The following DIAPH2 variants were observed in gnomAD, a reference collection of about 807,000 sequenced individuals.
DIAPH2 encodes protein diaphanous homolog 2.
Under a neutral mutation model 92.7 loss-of-function variants are expected in DIAPH2, and 35 were observed. The observed-to-expected ratio is 0.38, with a 90% CI of 0.29 to 0.50. DIAPH2 has a LOEUF of 0.50. Among genes scored for constraint, DIAPH2 ranks in the 20% least tolerant of loss-of-function variants. The pLI is 0.94. For missense variants in DIAPH2, 701 were observed against 819.5 expected (o/e 0.86, Z 1.77); for synonymous variants, 301 against 280.4 (o/e 1.07, Z -0.73).
intron 1 of DIAPH2, among the ~76,000 whole-genome samples, chrX:96,693,757 G>A (rs944997009): frequency 2.7e-5 from 3 of 112,635 alleles, no homozygotes; most frequent in South Asian, 3.6e-4. Context: ...CAAGGATTCC[G>A]GGCATGGTGG....
At chrX:96,713,196 C>G (rs1755525082) in intron 1 of DIAPH2, among the ~76,000 whole-genome samples, 1 of 111,768 alleles carries the variant, frequency 8.9e-6, no homozygotes, top group South Asian at 3.7e-4. Context: ...TACCTTTGTT[C>G]CTAATTTTTA....
Position 96,948,915 on chromosome X carries a change from A to T in DIAPH2, c.1510-20A>T, listed in dbSNP as rs776382561. ...CTGAAAACTATATTATTAACTGTAC[A>T]TTGATGGTGATCATTGCAGTTCGAT... is the stretch of plus-strand genomic sequence containing the variant. On this transcript the variant is annotated intron_variant, in intron 14 of 26. Coordinates refer to ENST00000324765, the MANE Select transcript of DIAPH2 (RefSeq NM_006729.5). 79 of 1,081,065 alleles carry T rather than the reference A, an allele frequency of 7.3e-5. No homozygotes were observed. The highest frequency in any genetic ancestry group is 9.9e-5 in the Non-Finnish European group (78 of 791,293). 89.1% of individuals were successfully genotyped at this position (1,081,065 alleles called of 1,213,427 possible).
intron 4 of DIAPH2, among the ~76,000 whole-genome samples, chrX:96,766,870 C>T (rs1431975265): frequency 8.9e-6 from 1 of 112,168 alleles, no homozygotes; most frequent in Non-Finnish European, 1.9e-5. Context: ...TTTCACTATC[C>T]TATATAAATT....
chrX:97,057,583 T>C (rs184646383), intron 17 of DIAPH2, among the ~76,000 whole-genome samples: 1 of 111,849 alleles, frequency 8.9e-6, no homozygotes, highest in Admixed American at 9.5e-5. Context: ...CATGACACCG[T>C]AGGTAATTGG....
chrX:96,962,418 CACATATATATACAT>C, intron 16 of DIAPH2, among the ~76,000 whole-genome samples: 2 of 50,859 alleles, frequency 3.9e-5, no homozygotes, highest in Non-Finnish European at 7.3e-5. Context: ...TATATATATA[CACATATATATACAT>C]ATATATATAC....
intron 23 of DIAPH2, among the ~76,000 whole-genome samples, chrX:97,343,178 T>A (rs1255075519): frequency 1.8e-5 from 2 of 111,658 alleles, no homozygotes; most frequent in African/African-American, 6.5e-5. Context: ...TTTTAAAAAA[T>A]TCAAGTAGAG....
chrX:96,900,986 C>G (rs1182055431), intron 5 of DIAPH2, among the ~76,000 whole-genome samples: 2 of 111,721 alleles, frequency 1.8e-5, no homozygotes, highest in Non-Finnish European at 3.8e-5. Context: ...TAGAAGGATT[C>G]AGAGAGGATT....
rs561569013 is a variant in DIAPH2 at position 96,929,673 on chromosome X, A to T, written c.979-1060A>T. Among the ~76,000 whole-genome samples the T allele has an allele frequency of 6.3e-5, 7 of 111,269 alleles. No homozygotes were observed. The South Asian group carries it at 2.6e-3, about 41-fold the overall frequency. On this transcript the variant is annotated intron_variant, in intron 9 of 26. Coordinates refer to ENST00000324765, the MANE Select transcript of DIAPH2 (RefSeq NM_006729.5). ...CATTTGAAATATTTGTCTTTCGGTA[A>T]TATATTTTTCCCATGCTAACTATTA...
intron 26 of DIAPH2, among the ~76,000 whole-genome samples, chrX:97,482,348 TA>T (rs1199999956): frequency 8.9e-6 from 1 of 112,756 alleles, no homozygotes; most frequent in Non-Finnish European, 1.9e-5. Context: ...GCAAGAATTT[TA>T]AACAGCCCGA....
At chrX:97,486,623 A>G (rs2070690426) in intron 26 of DIAPH2, among the ~76,000 whole-genome samples, 1 of 111,706 alleles carries the variant, frequency 9.0e-6, no homozygotes, top group African/African-American at 3.3e-5. Context: ...ATATTTACAC[A>G]TACTATTTAG....
chrX:96,790,773 G>A (rs1048574229), intron 4 of DIAPH2, among the ~76,000 whole-genome samples: 2 of 111,747 alleles, frequency 1.8e-5, no homozygotes, highest in African/African-American at 6.5e-5. Context: ...GCTAACAGGA[G>A]AAGGAGGAAC....
At chrX:97,585,858 T>C (rs1205507937) in intron 26 of DIAPH2, among the ~76,000 whole-genome samples, 2 of 112,244 alleles carry the variant, frequency 1.8e-5, no homozygotes, top group Admixed American at 9.4e-5. Context: ...GTCTTTATTT[T>C]ACTGCATCTT....
chrX:97,349,020 G>A (rs755062284), intron 24 of DIAPH2, among the ~76,000 whole-genome samples: 1 of 105,360 alleles, frequency 9.5e-6, no homozygotes, highest in Non-Finnish European at 1.9e-5. Flanking sequence ...GTATATATAT[G>A]TGTATATATA....
intron 18 of DIAPH2, among the ~76,000 whole-genome samples, chrX:97,073,965 A>G (rs906421852): frequency 8.9e-6 from 1 of 112,068 alleles, no homozygotes; most frequent in African/African-American, 3.2e-5. Context: ...TTCTGTCAAC[A>G]TTATTCTTTT....
chrX:97,281,786 C>T (rs577698434), intron 23 of DIAPH2, among the ~76,000 whole-genome samples: 2 of 109,453 alleles, frequency 1.8e-5, no homozygotes, highest in South Asian at 7.8e-4. Context: ...AGGTAAAACA[C>T]AATTCATTGT....
At chrX:97,517,522 A>T (rs1322900122) in intron 26 of DIAPH2, among the ~76,000 whole-genome samples, 1 of 112,093 alleles carries the variant, frequency 8.9e-6, no homozygotes. Context: ...TAAAGTGATG[A>T]TAGTTTTTCC....
At chrX:97,129,107 T>TTTTCTTTTC (rs1397197330) in intron 21 of DIAPH2, among the ~76,000 whole-genome samples, 5 of 69,755 alleles carry the variant, frequency 7.2e-5, no homozygotes, top group South Asian at 1.5e-3. Context: ...TTTTCTTTTC[T>TTTTCTTTTC]TTTCTTTTCT....
chrX:97,091,110 G>A (rs918828764), intron 19 of DIAPH2, among the ~76,000 whole-genome samples: 1 of 110,216 alleles, frequency 9.1e-6, no homozygotes, highest in African/African-American at 3.3e-5. Context: ...AGGCTCAAGC[G>A]ATTCTCCTAT....
At chrX:97,323,533 G>A (rs2068920957) in intron 23 of DIAPH2, among the ~76,000 whole-genome samples, 1 of 99,478 alleles carries the variant, frequency 1.0e-5, no homozygotes, top group African/African-American at 3.7e-5. Context: ...GGAGCTTGCA[G>A]TGAGCCGAGA....
Sources: gnomAD v4.1 joint callset for allele counts (sites outside exome capture counted in the v4.1 genomes callset) on GRCh38, gnomAD v4.1.1 for gene constraint, MANE v1.5 for transcripts, NCBI Gene and HGNC (gene_info 2026-07-23, HGNC 2026-07-21) for gene names.